The following MACROD2 variants were observed in gnomAD, a reference collection of about 807,000 sequenced individuals.
MACROD2 encodes mono-ADP ribosylhydrolase 2.
In MACROD2, 36 loss-of-function variants were observed where a neutral mutation model predicts 70.4. That is an observed-to-expected ratio of 0.51 (90% CI 0.39 to 0.68). The LOEUF (loss-of-function observed/expected upper bound fraction) is 0.68, where lower values mean the gene tolerates loss of function less well. Ranked by LOEUF, MACROD2 falls within the 30% of genes least tolerant of loss-of-function variation. The probability of loss-of-function intolerance (pLI) is 0.00; values close to 1 mark genes in which losing one functional copy is unlikely to be tolerated. For missense variants in MACROD2, 496 were observed against 538.4 expected, an observed-to-expected ratio of 0.92 and a Z score of 0.78; for synonymous variants, 172 against 178.8, an observed-to-expected ratio of 0.96 and a Z score of 0.30.
chr20:14,442,947 C>T (rs1031841659), intron 3 of MACROD2, among the ~76,000 whole-genome samples: 13 of 151,886 alleles, frequency 8.6e-5, no homozygotes, highest in East Asian at 3.9e-4. Context: ...GGTGTGGTGG[C>T]GGGCGCCTGT....
intron 5 of MACROD2, among the ~76,000 whole-genome samples, chr20:14,939,174 T>C (rs1200146884): frequency 2.0e-5 from 3 of 152,012 alleles, no homozygotes; most frequent in African/African-American, 7.3e-5. Flanking sequence ...AAGTCTTTGC[T>C]TTGGCCTGGA....
At chr20:15,111,445 C>T (rs1362708193) in intron 5 of MACROD2, among the ~76,000 whole-genome samples, 2 of 152,118 alleles carry the variant, frequency 1.3e-5, no homozygotes, top group East Asian at 3.9e-4. Flanking sequence ...GCTGGGATTA[C>T]AGGGGTGAGC....
intron 5 of MACROD2, among the ~76,000 whole-genome samples, chr20:15,139,027 C>A (rs1366710152): frequency 1.3e-5 from 2 of 152,124 alleles, no homozygotes; most frequent in Non-Finnish European, 2.9e-5. Context: ...TAAAGCTTGA[C>A]AATGTTCTAG....
intron 5 of MACROD2, among the ~76,000 whole-genome samples, chr20:14,836,822 A>G (rs2122255684): frequency 6.6e-6 from 1 of 152,208 alleles, no homozygotes; most frequent in East Asian, 1.9e-4. Flanking sequence ...TCAGTTTGGC[A>G]GAAACATGCA....
At chr20:14,871,799 C>T (rs182287668) in intron 5 of MACROD2, among the ~76,000 whole-genome samples, 84 of 151,896 alleles carry the variant, frequency 5.5e-4, no homozygotes, top group African/African-American at 1.8e-3. Context: ...GTGACACAAA[C>T]GGGTTCAAAA....
intron 5 of MACROD2, among the ~76,000 whole-genome samples, chr20:14,712,809 A>C (rs1479979615): frequency 6.6e-6 from 1 of 152,140 alleles, no homozygotes; most frequent in Admixed American, 6.5e-5. Context: ...TAGGAGGATT[A>C]ATGGCTCAGA....
At chr20:15,090,150 G>A (rs1224886873) in intron 5 of MACROD2, among the ~76,000 whole-genome samples, 2 of 151,976 alleles carry the variant, frequency 1.3e-5, no homozygotes, top group African/African-American at 4.8e-5. Context: ...ATGTTGACCT[G>A]CTACAGCAGT....
At chr20:15,277,999 AATAAACTATACT>A (rs1328958453) in intron 6 of MACROD2, among the ~76,000 whole-genome samples, 2 of 152,212 alleles carry the variant, frequency 1.3e-5, no homozygotes, top group Admixed American at 1.3e-4. Context: ...GAAGAAAATA[AATAAACTATACT>A]AATAAAATTC....
chr20:15,774,684 G>A (rs779632628), intron 8 of MACROD2, among the ~76,000 whole-genome samples: 52 of 152,048 alleles, frequency 3.4e-4, no homozygotes, highest in Non-Finnish European at 5.0e-4. Flanking sequence ...TGTCTCACCT[G>A]GGCATTTTCA....
At chr20:15,479,265 C>T (rs1436316710) in intron 7 of MACROD2, among the ~76,000 whole-genome samples, 76 of 87,782 alleles carry the variant, frequency 8.7e-4, no homozygotes, top group African/African-American at 1.1e-3. Context: ...TTCTCGCTCT[C>T]TTTTTTTTTT....
At chr20:15,023,133 C>T (rs1182771519) in intron 5 of MACROD2, among the ~76,000 whole-genome samples, 1 of 152,054 alleles carries the variant, frequency 6.6e-6, no homozygotes, top group Non-Finnish European at 1.5e-5. Context: ...CAGGTACATT[C>T]CAGTCTCATG....
At chr20:14,594,033 A>G (rs1018600690) in intron 4 of MACROD2, among the ~76,000 whole-genome samples, 5 of 152,188 alleles carry the variant, frequency 3.3e-5, no homozygotes, top group Admixed American at 6.5e-5. Context: ...AGACTCTCAA[A>G]CAGATAAATA....
At chr20:15,686,605 G>A (rs1169715454) in intron 8 of MACROD2, among the ~76,000 whole-genome samples, 2 of 152,132 alleles carry the variant, frequency 1.3e-5, no homozygotes, top group Non-Finnish European at 2.9e-5. Context: ...GGGCATGGTG[G>A]CTCATGCCTG....
intron 6 of MACROD2, among the ~76,000 whole-genome samples, chr20:15,364,153 C>A (rs2078384936): frequency 6.6e-6 from 1 of 152,156 alleles, no homozygotes; most frequent in Non-Finnish European, 1.5e-5. Flanking sequence ...TATTTGTATT[C>A]TTCATAAAAC....
intron 5 of MACROD2, among the ~76,000 whole-genome samples, chr20:14,708,329 T>C (rs967788432): frequency 1.3e-5 from 2 of 152,166 alleles, no homozygotes; most frequent in African/African-American, 2.4e-5. Context: ...TTATAAACAC[T>C]CAACTCTGCC....
chr20:15,327,687 G>T (rs923491121), intron 6 of MACROD2, among the ~76,000 whole-genome samples: 1 of 151,992 alleles, frequency 6.6e-6, no homozygotes, highest in Non-Finnish European at 1.5e-5. Flanking sequence ...TGAAATTTGG[G>T]TGGGGACATA....
At position 15,438,269 on chromosome 20, in the gene MACROD2, A is replaced by G. The variant is rs548507947; in HGVS notation, c.571+6834A>G. Among the ~76,000 whole-genome samples the G allele has an allele frequency of 2.6e-5, 4 of 152,228 alleles. No individual in the cohort carries two copies. The South Asian group carries it at 6.2e-4, about 24-fold the overall frequency. ...AGGAGTCGCCATACTACTTTCCACA[A>G]TGGTTGAACTAATTCACACTCCGAC... On this transcript the variant is annotated intron_variant, in intron 7 of 17. Transcript: ENST00000684519.
chr20:15,263,082 T>C (rs994455746), intron 6 of MACROD2, among the ~76,000 whole-genome samples: 3 of 152,114 alleles, frequency 2.0e-5, no homozygotes, highest in African/African-American at 7.2e-5. Context: ...TGGTTGTCTG[T>C]GCTTGTGGGG....
chr20:14,276,279 A>G (rs1431210494), intron 3 of MACROD2, among the ~76,000 whole-genome samples: 1 of 150,954 alleles, frequency 6.6e-6, no homozygotes, highest in Non-Finnish European at 1.5e-5. Context: ...CATATACACC[A>G]TGGAATACTA....
Sources: allele counts gnomAD v4.1 joint callset (sites outside exome capture counted in the v4.1 genomes callset), GRCh38; gene constraint gnomAD v4.1.1; transcripts MANE v1.5; gene names NCBI Gene and HGNC (gene_info 2026-07-23, HGNC 2026-07-21).